DENND10: variants seen among roughly 807,000 people sequenced by gnomAD.
DENND10 encodes the protein DENN domain-containing protein 10.
DENND10 carries 24 observed loss-of-function variants against 43.6 expected under a neutral mutation model. That is an observed-to-expected ratio of 0.55 (90% CI 0.40 to 0.77). The LOEUF (loss-of-function observed/expected upper bound fraction) is 0.77. DENND10 is among the 30% of genes least tolerant of loss of function. DENND10 has a pLI of 0.00. For synonymous variants in DENND10, 125 were observed against 157.6 expected (o/e 0.79, Z 1.55); for missense variants, 303 against 429.9 (o/e 0.70, Z 2.61).
intron 5 of DENND10, among the ~76,000 whole-genome samples, chr10:119,121,107 G>A (rs1845553165): frequency 6.6e-6 from 1 of 151,896 alleles, no homozygotes; most frequent in African/African-American, 2.4e-5. Flanking sequence ...GAGCCACTGT[G>A]CCCGGCCAAA....
At chr10:119,109,158 G>C (rs540583614) in intron 2 of DENND10, among the ~76,000 whole-genome samples, 2 of 150,264 alleles carry the variant, frequency 1.3e-5, no homozygotes, top group African/African-American at 4.9e-5. Flanking sequence ...AGAGGTTGTG[G>C]TGAGCTGTGA....
At chr10:119,126,046 A>G (rs1845816461) in intron 6 of DENND10, among the ~76,000 whole-genome samples, 1 of 152,178 alleles carries the variant, frequency 6.6e-6, no homozygotes, top group Non-Finnish European at 1.5e-5. Flanking sequence ...ATTAGTGAGA[A>G]CATGCAAAAT....
At chr10:119,110,654 A>C (rs1844932241) in intron 2 of DENND10, among the ~76,000 whole-genome samples, 1 of 151,904 alleles carries the variant, frequency 6.6e-6, no homozygotes, top group South Asian at 2.1e-4. Context: ...ACAGGGTTTC[A>C]CCATCTTGGC....
chr10:119,111,784 T>C, intron 2 of DENND10, 65 bp from the exon 3 acceptor site: 1 of 1,232,960 alleles, frequency 8.1e-7, no homozygotes, highest in Non-Finnish European at 1.2e-6. Context: ...TGTTAGAATA[T>C]AGTAATAAAA....
chr10:119,129,704 G>A (rs1452188661), intron 7 of DENND10, 82 bp downstream of exon 7: 1 of 959,966 alleles, frequency 1.0e-6, no homozygotes, highest in Admixed American at 1.9e-5. Flanking sequence ...AAACCAGTAT[G>A]TGAGGGCTGG....
In DENND10 at chr10:119,123,373, C is replaced by G. The variant is rs1345013570; in HGVS notation, c.594-96C>G. The G allele has an allele frequency of 2.3e-4, 198 of 859,334 alleles. No individual in the cohort carries two copies. The South Asian group carries it at 2.5e-3, about 11-fold the overall frequency. The allele number at this position is 859,334 out of a possible 1,614,324, so 53.2% of individuals were successfully genotyped here. A position where few individuals can be genotyped will look rare whatever the true frequency, so the allele number is the denominator to read the frequency against. ...GTCCCTGATTAGCTGTAGACTCTAC[C>G]CTCTTCATTTCCTTCTCAGGAAGAG... On this transcript the variant is annotated intron_variant, in intron 5 of 8. Coordinates refer to ENST00000361432, the MANE Select transcript of DENND10 (RefSeq NM_207009.4).
chr10:119,115,293 C>T (rs189123602), intron 3 of DENND10, among the ~76,000 whole-genome samples: 107 of 151,346 alleles, frequency 7.1e-4, no homozygotes, highest in African/African-American at 2.2e-3. Flanking sequence ...GTGTGAGTTC[C>T]TGGGTTTGAA....
chr10:119,132,381 G>A lies in DENND10; in HGVS notation c.803-134G>A. The A allele has an allele frequency of 2.8e-6, 2 of 717,344 alleles. No homozygotes were observed. The highest frequency in any genetic ancestry group is 5.1e-6 in the Non-Finnish European group (2 of 393,734). 44.4% of individuals were successfully genotyped at this position (717,344 alleles called of 1,614,324 possible). On this transcript the variant is annotated intron_variant, in intron 7 of 8. Transcript: ENST00000361432. This position sits in a 1 kb window ranked among gnomAD's most constrained non-coding sequence, Gnocchi z 4.2. Reference sequence around the variant, plus strand: ...GCATGTTGTCATATTTGTGTCTAGTGATAAAATGGACATGTGGGAGGTTAT... The same window carrying A: ...GCATGTTGTCATATTTGTGTCTAGTAATAAAATGGACATGTGGGAGGTTAT...
intron 5 of DENND10, among the ~76,000 whole-genome samples, chr10:119,120,724 A>G (rs992219158): frequency 3.9e-5 from 6 of 152,114 alleles, no homozygotes; most frequent in African/African-American, 1.4e-4. Context: ...TGCCCCAACT[A>G]CTCAACTGCC....
chr10:119,133,906 C>G (rs928554545), intron 8 of DENND10: 3 of 152,198 alleles, frequency 2.0e-5, no homozygotes, highest in Non-Finnish European at 2.9e-5. Flanking sequence ...TGTTCACAGA[C>G]TAAAAGTGCT....
intron 4 of DENND10, among the ~76,000 whole-genome samples, 157 bp downstream of exon 4, chr10:119,117,824 G>C (rs542429471): frequency 3.3e-5 from 5 of 152,066 alleles, no homozygotes; most frequent in African/African-American, 9.7e-5. Context: ...AAAATTAGCC[G>C]GGCGTGGTGG....
chr10:119,123,289 T>C (rs564088198), intron 5 of DENND10, among the ~76,000 whole-genome samples, 180 bp from the exon 6 acceptor site: 44 of 152,210 alleles, frequency 2.9e-4, no homozygotes, highest in African/African-American at 1.0e-3. Flanking sequence ...TAGTAAAACA[T>C]TGCATTGCTT....
At position 119,105,419 on chromosome 10, in the gene DENND10, T is replaced by G. The variant is rs182720129; in HGVS notation, c.55+1222T>G. The G allele has an allele frequency of 2.3e-4, 101 of 444,386 alleles. 1 individual carries two copies. The highest frequency in any genetic ancestry group is 2.1e-3 in the African/African-American group (98 of 47,342). 27.5% of individuals were successfully genotyped at this position (444,386 alleles called of 1,614,324 possible). On this transcript the variant is annotated intron_variant, in intron 1 of 8. Transcript: ENST00000361432. ...CCTCCCGCCTCGGCCTCCGAGTAGCTGGGACCTCAGGCGTGCACCACCACC... is the reference window on the plus strand; with the variant it reads ...CCTCCCGCCTCGGCCTCCGAGTAGCGGGGACCTCAGGCGTGCACCACCACC...
At chr10:119,127,057 C>A (rs551002997) in intron 6 of DENND10, among the ~76,000 whole-genome samples, 3 of 151,332 alleles carry the variant, frequency 2.0e-5, no homozygotes, top group African/African-American at 7.3e-5. Context: ...TGCCACCATG[C>A]CTGGCTAATT....
chr10:119,135,791 T>TTAAAAAAAAAAA (rs1554883518), intron 8 of DENND10, among the ~76,000 whole-genome samples: 1 of 64,008 alleles, frequency 1.6e-5, no homozygotes, highest in Non-Finnish European at 2.8e-5. Flanking sequence ...ACTAAAATTG[T>TTAAAAAAAAAAA]AAAAAAAAAA....
chr10:119,127,178 A>G (rs1428309458), intron 6 of DENND10, among the ~76,000 whole-genome samples: 6 of 151,822 alleles, frequency 4.0e-5, no homozygotes, highest in Admixed American at 2.6e-4. Flanking sequence ...TGCTGAGATT[A>G]TAGGTGTGAG....
At position 119,129,522 on chromosome 10, in the gene DENND10, C is replaced by T. The variant is rs148813817; in HGVS notation, c.702C>T (p.Val234=). 28 of 1,611,024 alleles carry T rather than the reference C, an allele frequency of 1.7e-5. No homozygotes were observed. Among genetic ancestry groups the T allele is most frequent in the African/African-American group, 5.3e-5 (4 of 74,884 alleles). ...CTCATGTTTGTGATGCAGGTTACGT[C>T]GCTGGATTTGTAGACTTGGAGGTGA... ...LEALQMCTGY[V]AGFVDLEVSN... is the part of the protein sequence containing the mutation. The change falls in exon 7 of 9, where the codon GTC becomes GTT. Residue 234 remains valine (V), a synonymous_variant. Coordinates refer to ENST00000361432, the MANE Select transcript of DENND10 (RefSeq NM_207009.4).
At position 119,136,894 on chromosome 10, in the gene DENND10, C is replaced by A. The variant is rs1054905200; in HGVS notation, c.*247C>A. ...GAAGTGCTATAACTACTTTATGTAA[C>A]ATTACAGAACAGCTAGAGGTCCTGG... On this transcript the variant is annotated 3_prime_UTR_variant, in exon 9 of 9. Coordinates refer to ENST00000361432, the MANE Select transcript of DENND10 (RefSeq NM_207009.4). 10 of 375,272 alleles carry A rather than the reference C, an allele frequency of 2.7e-5. No individual in the cohort carries two copies. Among genetic ancestry groups the A allele is most frequent in the Non-Finnish European group, 4.0e-5 (8 of 199,940 alleles). The allele number at this position is 375,272 out of a possible 1,614,324, so 23.2% of individuals were successfully genotyped here.
At chr10:119,115,091 C>T (rs912418478) in intron 3 of DENND10, among the ~76,000 whole-genome samples, 3 of 151,958 alleles carry the variant, frequency 2.0e-5, no homozygotes, top group Non-Finnish European at 4.4e-5. Flanking sequence ...AAGCTAATGG[C>T]ATTTTGGTTT....
Sources: gnomAD v4.1 joint callset for allele counts (sites outside exome capture counted in the v4.1 genomes callset) on GRCh38, gnomAD v4.1.1 for gene constraint, Gnocchi (gnomAD v3.1) non-coding constraint, MANE v1.5 for transcripts, NCBI Gene and HGNC (gene_info 2026-07-23, HGNC 2026-07-21) for gene names.